The following ARHGAP23 variants were observed in gnomAD, a reference collection of about 807,000 sequenced individuals.
The protein encoded by ARHGAP23 is Rho GTPase activating protein 23.
Under a neutral mutation model 136.3 loss-of-function variants are expected in ARHGAP23, and 34 were observed. The observed-to-expected ratio is 0.25, with a 90% confidence interval of 0.19 to 0.33. ARHGAP23 has a LOEUF of 0.33. Among genes scored for constraint, ARHGAP23 ranks in the 10% least tolerant of loss-of-function variants. The pLI is 1.00. For synonymous variants in ARHGAP23, 832 were observed against 920.5 expected, an observed-to-expected ratio of 0.90 and a Z score of 1.74; for missense variants, 1,808 against 2,139.0, an observed-to-expected ratio of 0.85 and a Z score of 3.05.
intron 11 of ARHGAP23, among the ~76,000 whole-genome samples, chr17:38,475,370 C>T (rs1031576639): frequency 6.6e-6 from 1 of 152,252 alleles, no homozygotes; most frequent in South Asian, 2.1e-4. Context: ...GGTTATGCCT[C>T]TGGTTTAGCC....
chr17:38,488,108 A>G (rs2040197521), intron 17 of ARHGAP23, among the ~76,000 whole-genome samples: 1 of 152,030 alleles, frequency 6.6e-6, no homozygotes, highest in South Asian at 2.1e-4. Flanking sequence ...GGGTCTCACT[A>G]CATTGCTCAG....
Position 38,497,819 on chromosome 17 carries a change from G to A in ARHGAP23, c.3311G>A (p.Gly1104Glu), listed in dbSNP as rs913398603. 2.1e-5 allele frequency: 32 copies of A among 1,551,220 alleles called. No homozygotes were observed. The highest frequency in any genetic ancestry group is 2.7e-5 in the Non-Finnish European group (31 of 1,146,864). ...TTCTTCAGTGACGAAGAGGACAAGG[G>A]AGAGAGAGTAAGTGATGCCGCGGGC... Reference protein sequence around the residue: ...DWFFSDEEDKGERTPVGDKEP... With the variant: ...DWFFSDEEDKEERTPVGDKEP... Residue 1104 changes from glycine (G) to glutamate (E), a missense_variant, in exon 21 of 24, where the codon GGA (glycine) becomes GAA (glutamate). By Grantham distance (98) the Gly-to-Glu change is moderately conservative. Around this residue, in one of 7 missense-constraint regions of ARHGAP23, gnomAD observed 104 missense variants for 131.8 expected, o/e 0.79. Coordinates refer to ENST00000622683, the MANE Select transcript of ARHGAP23 (RefSeq NM_001199417.2).
chr17:38,458,831 T>C (rs1284229788), intron 2 of ARHGAP23, among the ~76,000 whole-genome samples: 4 of 152,270 alleles, frequency 2.6e-5, no homozygotes, highest in African/African-American at 4.8e-5. Context: ...TCCTCACTCA[T>C]TGTGAATTTG....
At chr17:38,428,375 CG>C (rs769359302), upstream of ARHGAP23, 803 of 322,204 alleles carry the variant, frequency 2.5e-3, 5 homozygotes, top group African/African-American at 8.7e-3. Context: ...GGGCGGACCC[CG>C]GGGGGGGCCC....
chr17:38,472,343 A>G (rs1597805480), intron 11 of ARHGAP23, among the ~76,000 whole-genome samples: 1 of 152,066 alleles, frequency 6.6e-6, no homozygotes, highest in Non-Finnish European at 1.5e-5. Context: ...GGCCGGGGTG[A>G]TTTCCGTAGG....
chr17:38,479,411 T>C, intron 12 of ARHGAP23, 25 bp from the exon 13 acceptor site: 2 of 1,536,476 alleles, frequency 1.3e-6, no homozygotes, highest in Non-Finnish European at 1.8e-6. Flanking sequence ...ACTGACATGA[T>C]CCGCTCTCTC....
chr17:38,436,124 G>T (rs1567774167), intron 1 of ARHGAP23, among the ~76,000 whole-genome samples: 1 of 152,182 alleles, frequency 6.6e-6, no homozygotes, highest in Non-Finnish European at 1.5e-5. Flanking sequence ...GAAGGCGAGG[G>T]GGACAGCTGA....
chr17:38,480,255 C>T (rs79803651), intron 14 of ARHGAP23, among the ~76,000 whole-genome samples: 44,319 of 152,092 alleles, frequency 0.29, 6,994 homozygotes, highest in East Asian at 0.36. Flanking sequence ...AATCCCAGCA[C>T]TTTGGGAGGC....
Position 38,479,871 on chromosome 17 carries a change from G to A in ARHGAP23, c.2617G>A (p.Ala873Thr), listed in dbSNP as rs575376487. ...TGGCCTCAGGACTCAGGACCTGCCC[G>A]CAGGGAGCAAGGGTAGGAAGGTGGC... ...ARGLRTQDLP[A>T]GSKDDSAAAP... The change falls in exon 14 of 24, where the codon GCA becomes ACA. Residue 873 changes from alanine to threonine, a missense_variant. Transcript: ENST00000622683. 27 of 1,545,422 alleles carry A rather than the reference G, an allele frequency of 1.7e-5. No homozygotes were observed. Among genetic ancestry groups the A allele is most frequent in the Admixed American group, 5.9e-5 (3 of 50,740 alleles).
Position 38,488,362 on chromosome 17 carries a change from G to A in ARHGAP23, c.2987-1740G>A, listed in dbSNP as rs151068256. ...GTTTCTATTTTCTCTGTAATTGCTC[G>A]ATCAGACCATGTGCCCATTTTTCTG... On this transcript the variant is annotated intron_variant, in intron 17 of 23. Coordinates refer to ENST00000622683, the MANE Select transcript of ARHGAP23 (RefSeq NM_001199417.2). Among the ~76,000 whole-genome samples, 919 of 152,036 alleles carry A rather than the reference G, an allele frequency of 6.0e-3. 12 individuals carry two copies. The highest frequency in any genetic ancestry group is 0.02 in the African/African-American group (839 of 41,438).
Position 38,512,149 on chromosome 17 carries a change from A to G in ARHGAP23, c.*1177A>G, listed in dbSNP as rs1201493728. 1 of 152,202 alleles carries G rather than the reference A, an allele frequency of 6.6e-6. No individual in the cohort carries two copies. The highest frequency in any genetic ancestry group is 1.5e-5 in the Non-Finnish European group (1 of 68,040). 9.4% of individuals were successfully genotyped at this position (152,202 alleles called of 1,614,324 possible). A position where few individuals can be genotyped will look rare whatever the true frequency, so the allele number is the denominator to read the frequency against. ...TCCCTCCCCCATTCTTTTATTGTAAATATTGTCTCTAAATGTGTAACATAT... is the reference window on the plus strand; with the variant it reads ...TCCCTCCCCCATTCTTTTATTGTAAGTATTGTCTCTAAATGTGTAACATAT... On this transcript the variant is annotated 3_prime_UTR_variant, in exon 24 of 24. Transcript: ENST00000622683.
upstream of ARHGAP23, among the ~76,000 whole-genome samples, chr17:38,428,024 T>G (rs1260057999): frequency 6.6e-6 from 1 of 152,194 alleles, no homozygotes; most frequent in Non-Finnish European, 1.5e-5. Flanking sequence ...GCCTTTCTCA[T>G]GCTTTCTGGG....
chr17:38,499,915 A>G (rs1199279978), intron 22 of ARHGAP23, among the ~76,000 whole-genome samples: 3 of 151,990 alleles, frequency 2.0e-5, no homozygotes, highest in African/African-American at 7.2e-5. Context: ...AGGGAGTGGG[A>G]CCCAAGTCCC....
chr17:38,505,936 A>G (rs1280431040), intron 23 of ARHGAP23, among the ~76,000 whole-genome samples: 1 of 152,196 alleles, frequency 6.6e-6, no homozygotes, highest in African/African-American at 2.4e-5. Flanking sequence ...CTCCAAAAAA[A>G]GAAAAAAGGA....
At chr17:38,465,447 AG>A (rs1172842274) in intron 6 of ARHGAP23, among the ~76,000 whole-genome samples, 4 of 152,152 alleles carry the variant, frequency 2.6e-5, no homozygotes, top group Admixed American at 6.5e-5. Context: ...GCAGCTCAGC[AG>A]GGGCCAGGCT....
At chr17:38,460,852 C>G in intron 2 of ARHGAP23, 53 bp from the exon 3 acceptor site, 1 of 1,536,034 alleles carries the variant, frequency 6.5e-7, no homozygotes, top group Non-Finnish European at 8.7e-7. Context: ...TGGGCCACCC[C>G]TGGCTGCTGA....
chr17:38,463,044 A>T, intron 4 of ARHGAP23, 74 bp from the exon 5 acceptor site: 2 of 1,537,812 alleles, frequency 1.3e-6, no homozygotes, highest in African/African-American at 2.8e-5. Context: ...AGTGTTAGCC[A>T]TGCCTGGTAC....
intron 1 of ARHGAP23, chr17:38,453,768 C>CA (rs1268316583): frequency 6.9e-6 from 1 of 145,794 alleles, no homozygotes; most frequent in Non-Finnish European, 1.5e-5. Context: ...TCCGTCCCTT[C>CA]GGGGCCCCCG....
At chr17:38,473,733 T>G (rs2039821358) in intron 11 of ARHGAP23, among the ~76,000 whole-genome samples, 1 of 150,278 alleles carries the variant, frequency 6.7e-6, no homozygotes, top group Admixed American at 6.6e-5. Context: ...CACGAAAGGG[T>G]GAGAAGCCAC....
Sources: gnomAD v4.1 joint callset for allele counts (sites outside exome capture counted in the v4.1 genomes callset) on GRCh38, gnomAD v4.1.1 for gene constraint, gnomAD v4.1.1 regional missense constraint, MANE v1.5 for transcripts, NCBI Gene and HGNC (gene_info 2026-07-23, HGNC 2026-07-21) for gene names.